MLPH: variants seen among roughly 807,000 people sequenced by gnomAD.
MLPH encodes the protein melanophilin, also known as exophilin-3.
MLPH carries 51 observed loss-of-function variants against 72.1 expected under a neutral mutation model. The observed-to-expected ratio is 0.71, with a 90% confidence interval of 0.56 to 0.89. MLPH has a LOEUF of 0.89. MLPH is among the 40% of genes least tolerant of loss of function. The pLI, the probability that MLPH is intolerant of heterozygous loss-of-function variation, is 0.00. For missense variants in MLPH, 743 were observed against 759.9 expected (o/e 0.98, Z 0.26); for synonymous variants, 301 against 310.1 (o/e 0.97, Z 0.31).
chr2:237,513,239 G>A (rs749364890), intron 4 of MLPH, among the ~76,000 whole-genome samples: 10 of 152,216 alleles, frequency 6.6e-5, no homozygotes, highest in Non-Finnish European at 1.2e-4. Context: ...CCTTCAGAGT[G>A]CTGGTGTTTC....
At chr2:237,502,654 G>A (rs144942541) in intron 2 of MLPH, among the ~76,000 whole-genome samples, 3 of 152,150 alleles carry the variant, frequency 2.0e-5, no homozygotes, top group Non-Finnish European at 2.9e-5. Flanking sequence ...GGAACACCCT[G>A]TTTTAAAGGA....
intron 1 of MLPH, among the ~76,000 whole-genome samples, chr2:237,492,629 T>G (rs1238533395): frequency 1.3e-5 from 2 of 152,192 alleles, no homozygotes; most frequent in African/African-American, 2.4e-5. Context: ...TCTCAGCACC[T>G]ACTGCTCATC....
chr2:237,549,477 T>C (rs2080988766), intron 14 of MLPH, among the ~76,000 whole-genome samples, 199 bp downstream of exon 14: 1 of 152,216 alleles, frequency 6.6e-6, no homozygotes, highest in South Asian at 2.1e-4. Context: ...TGGAACTTGC[T>C]GCTTTAAGCG....
chr2:237,510,900 C>CAT lies in MLPH; in HGVS notation c.333-89_333-88insAT. 7.6e-7 allele frequency: 1 copy of CAT among 1,319,166 alleles called. No individual in the cohort carries two copies. The highest frequency in any genetic ancestry group is 1.1e-6 in the Non-Finnish European group (1 of 926,212). 81.7% of individuals were successfully genotyped at this position (1,319,166 alleles called of 1,614,324 possible). On this transcript the variant is annotated intron_variant, in intron 3 of 15. Transcript: ENST00000264605. The surrounding 1 kb of genome is among the most constrained non-coding windows in gnomAD (Gnocchi z 4.4). ...GGGTGGACGCACACATGCACACACT[C>CAT]GTGTGTGTGTGTGTGTGTGTGTGTG...
At chr2:237,501,387 T>C (rs1009908829) in intron 2 of MLPH, among the ~76,000 whole-genome samples, 7 of 151,476 alleles carry the variant, frequency 4.6e-5, no homozygotes, top group Non-Finnish European at 8.8e-5. Flanking sequence ...GTTACCCAGC[T>C]GTGATGAATA....
intron 2 of MLPH, among the ~76,000 whole-genome samples, chr2:237,501,550 G>A (rs2079647180): frequency 6.6e-6 from 1 of 151,514 alleles, no homozygotes. Flanking sequence ...CTCTAGGCCA[G>A]GTACAGTGGC....
chr2:237,514,699 A>G (rs1392836160), intron 4 of MLPH, among the ~76,000 whole-genome samples: 1 of 152,222 alleles, frequency 6.6e-6, no homozygotes, highest in African/African-American at 2.4e-5. Flanking sequence ...AGTGTGTAAA[A>G]ATAGACCTGT....
chr2:237,529,482 G>A (rs551088949), intron 8 of MLPH, among the ~76,000 whole-genome samples: 16 of 152,316 alleles, frequency 1.1e-4, no homozygotes, highest in Middle Eastern at 3.4e-3. Flanking sequence ...AGTTCCGCTT[G>A]CTGCATTTAA....
chr2:237,551,544 T>G (rs1337872819), intron 14 of MLPH, among the ~76,000 whole-genome samples: 1 of 152,202 alleles, frequency 6.6e-6, no homozygotes. Context: ...GGCGGGTGCC[T>G]GCACCAGCCA....
Position 237,533,398 on chromosome 2 carries a change from T to A in MLPH, c.1021-1166T>A, listed in dbSNP as rs868424137. Among the ~76,000 whole-genome samples, 6 of 143,756 alleles carry A rather than the reference T, an allele frequency of 4.2e-5. 1 individual carries two copies. In the South Asian group the frequency reaches 1.2e-3, roughly 28 times the overall value. 94.3% of individuals were successfully genotyped at this position (143,756 alleles called of 152,430 possible). ...CTTCTCTATTTTCTTTTCTTTTTTT[T>A]TTTTTTTTTTTTTTGTCAGAGTCTT... On this transcript the variant is annotated intron_variant, in intron 8 of 15. Transcript: ENST00000264605.
At chr2:237,540,306 A>G in intron 9 of MLPH, 42 bp from the exon 10 acceptor site, 1 of 1,608,980 alleles carries the variant, frequency 6.2e-7, no homozygotes, top group Non-Finnish European at 8.5e-7. Context: ...CCATGGCTCC[A>G]GATGGCTAGC....
At chr2:237,495,903 C>A (rs953220304) in intron 2 of MLPH, among the ~76,000 whole-genome samples, 1 of 152,166 alleles carries the variant, frequency 6.6e-6, no homozygotes, top group Admixed American at 6.5e-5. Flanking sequence ...CAGGAAAATG[C>A]GGTCTCACGG....
intron 6 of MLPH, among the ~76,000 whole-genome samples, chr2:237,523,976 A>T (rs13390883): frequency 0.16 from 25,034 of 152,004 alleles, 2,283 homozygotes; most frequent in African/African-American, 0.22. Flanking sequence ...GCTGATTATT[A>T]GTGTCAGGTG....
At chr2:237,538,652 G>A (rs13383648) in intron 9 of MLPH, among the ~76,000 whole-genome samples, 1 of 152,042 alleles carries the variant, frequency 6.6e-6, no homozygotes, top group Non-Finnish European at 1.5e-5. Flanking sequence ...CTTTCCTCCA[G>A]GGATGAAATC....
chr2:237,527,091 T>C (rs766898723), intron 7 of MLPH, among the ~76,000 whole-genome samples: 7 of 152,212 alleles, frequency 4.6e-5, no homozygotes, highest in Non-Finnish European at 1.0e-4. Flanking sequence ...TATTTGCAAT[T>C]TGAAATTGGG....
intron 8 of MLPH, 124 bp downstream of exon 8, chr2:237,527,640 C>G: frequency 2.4e-6 from 3 of 1,232,126 alleles, no homozygotes; most frequent in Non-Finnish European, 2.3e-6. Context: ...ATTGCACAAG[C>G]CTACTTAATG....
At chr2:237,499,919 A>C (rs2079611588) in intron 2 of MLPH, among the ~76,000 whole-genome samples, 1 of 151,872 alleles carries the variant, frequency 6.6e-6, no homozygotes, top group Non-Finnish European at 1.5e-5. Flanking sequence ...TAATTTTTTA[A>C]ATTTTTTGTA....
chr2:237,507,551 A>G (rs1383862995), intron 2 of MLPH, among the ~76,000 whole-genome samples: 1 of 152,224 alleles, frequency 6.6e-6, no homozygotes, highest in East Asian at 1.9e-4. Context: ...TGAGTGATGC[A>G]GACTTCTCAA....
In MLPH at chr2:237,555,219, G is replaced by A. The variant is rs2081103360; in HGVS notation, c.*1627G>A. 6.6e-6 allele frequency: 1 copy of A among 152,242 alleles called. No individual in the cohort carries two copies. Among genetic ancestry groups the A allele is most frequent in the Non-Finnish European group, 1.5e-5 (1 of 68,078 alleles). 9.4% of individuals were successfully genotyped at this position (152,242 alleles called of 1,614,324 possible). A position where few individuals can be genotyped will look rare whatever the true frequency, so the allele number is the denominator to read the frequency against. On this transcript the variant is annotated 3_prime_UTR_variant, in exon 16 of 16. Transcript: ENST00000264605. The stretch of plus-strand genomic sequence containing the variant: ...TTGAGCCCTGGAGGTTGGGGCTGCA[G>A]TGAGCCATGATCGCATCACTATACT...
Sources: allele counts gnomAD v4.1 joint callset (sites outside exome capture counted in the v4.1 genomes callset), GRCh38; gene constraint gnomAD v4.1.1; non-coding constraint Gnocchi (gnomAD v3.1); transcripts MANE v1.5; gene names NCBI Gene and HGNC (gene_info 2026-07-23, HGNC 2026-07-21).